Variants in RPEL1 observed in about 807,000 individuals in gnomAD.
RPEL1 encodes ribulose-phosphate 3-epimerase-like protein 1.
A neutral mutation model predicts 12.8 loss-of-function variants in RPEL1; 7 were observed. That is an observed-to-expected ratio of 0.55 (90% confidence interval 0.31 to 1.03). The LOEUF (loss-of-function observed/expected upper bound fraction) is 1.03, where lower values mean the gene tolerates loss of function less well. Ranked by LOEUF, RPEL1 falls within the 50% of genes least tolerant of loss-of-function variation. RPEL1 has a pLI of 0.05. For missense variants in RPEL1, 237 were observed against 289.4 expected (o/e 0.82, Z 1.31); for synonymous variants, 91 against 102.0 (o/e 0.89, Z 0.65).
In RPEL1 at chr10:103,247,539, T is replaced by C. The variant is rs901769851; in HGVS notation, c.*856T>C. On this transcript the variant is annotated 3_prime_UTR_variant, in exon 1 of 1. Coordinates refer to ENST00000441178, the MANE Select transcript of RPEL1 (RefSeq NM_001143909.1). ...GAGAATTAAGAGGTAACACTATATA[T>C]GTAAAGTTTCTAGTACTAGTCCCAG... 1 of 167,050 alleles carries C rather than the reference T, an allele frequency of 6.0e-6. No individual in the cohort carries two copies. Among genetic ancestry groups the C allele is most frequent in the Non-Finnish European group, 1.5e-5 (1 of 68,116 alleles). 10.3% of individuals were successfully genotyped at this position (167,050 alleles called of 1,614,324 possible). A position where few individuals can be genotyped will look rare whatever the true frequency, so the allele number is the denominator to read the frequency against.
rs759724144 is a variant in RPEL1 at position 103,246,654 on chromosome 10, G to C, written c.658G>C (p.Ala220Pro). The C allele has an allele frequency of 8.7e-6, 14 of 1,613,668 alleles. No homozygotes were observed. The highest frequency in any genetic ancestry group is 1.2e-5 in the Non-Finnish European group (14 of 1,179,830). ...INLLRNICSE[A>P]AQKRSLDR Reference sequence around the variant, plus strand: ...CCTATTAAGAAATATTTGCTCAGAAGCTGCTCAGAAACGTTCTCTTGATCG... The same window carrying C: ...CCTATTAAGAAATATTTGCTCAGAACCTGCTCAGAAACGTTCTCTTGATCG... Residue 220 changes from alanine (A) to proline (P), a missense_variant, in exon 1 of 1, where the codon GCT (alanine) becomes CCT (proline). Transcript: ENST00000441178.
chr10:103,246,119 G>A lies in RPEL1; in HGVS notation c.123G>A (p.Gly41=), dbSNP rs371847347. The stretch of plus-strand genomic sequence containing the variant: ...ATCTGCATCTGGATGTAATGGATGG[G>A]CATTTTGTTCCCAACATCACCTTTG... The part of the protein sequence containing the change: ...ADYLHLDVMD[G]HFVPNITFGH... The change falls in exon 1 of 1, where the codon GGG becomes GGA. Residue 41 remains glycine, a synonymous_variant. Transcript: ENST00000441178. 6.2e-7 allele frequency: 1 copy of A among 1,614,064 alleles called. No individual in the cohort carries two copies. Among genetic ancestry groups the A allele is most frequent in the Non-Finnish European group, 8.5e-7 (1 of 1,180,036 alleles).
In RPEL1 at chr10:103,246,598, T is replaced by G; in HGVS notation, c.602T>G (p.Met201Arg). ...ANMTVSGSAIMRSEDPRSVIN... is the reference protein window; with the variant it reads ...ANMTVSGSAIRRSEDPRSVIN... Reference sequence around the variant, plus strand: ...ATGACTGTATCTGGCAGTGCTATTATGAGGAGTGAAGACCCCAGATCTGTG... The same window carrying G: ...ATGACTGTATCTGGCAGTGCTATTAGGAGGAGTGAAGACCCCAGATCTGTG... Residue 201 changes from methionine to arginine, a missense_variant, in exon 1 of 1, where the codon ATG (methionine) becomes AGG (arginine). Physicochemically the swap from Met to Arg is moderately conservative, Grantham distance 91. Coordinates refer to ENST00000441178, the MANE Select transcript of RPEL1 (RefSeq NM_001143909.1). The G allele has an allele frequency of 1.2e-6, 2 of 1,614,192 alleles. No homozygotes were observed. Among genetic ancestry groups the G allele is most frequent in the Non-Finnish European group, 1.7e-6 (2 of 1,180,028 alleles).
At position 103,247,574 on chromosome 10, in the gene RPEL1, T is replaced by C. The variant is rs2093010322; in HGVS notation, c.*891T>C. 6.0e-6 allele frequency: 1 copy of C among 167,084 alleles called. No individual in the cohort carries two copies. Among genetic ancestry groups the C allele is most frequent in the South Asian group, 2.1e-4 (1 of 4,830 alleles). 10.4% of individuals were successfully genotyped at this position (167,084 alleles called of 1,614,324 possible). On this transcript the variant is annotated 3_prime_UTR_variant, in exon 1 of 1. Transcript: ENST00000441178. Reference sequence around the variant, plus strand: ...CTAGTACTAGTCCCAGAATTTAGAATATGCTCAATACAAAGTAGATAGCAT... The same window carrying C: ...CTAGTACTAGTCCCAGAATTTAGAACATGCTCAATACAAAGTAGATAGCAT...
chr10:103,246,391 C>A lies in RPEL1; in HGVS notation c.395C>A (p.Ala132Asp). Reference sequence around the variant, plus strand: ...TCAGTTGAGTATTTGGCACCATGGGCTAATCAAATAGATATGGCCTTGGTT... The same window carrying A: ...TCAGTTGAGTATTTGGCACCATGGGATAATCAAATAGATATGGCCTTGGTT... ...GTSVEYLAPW[A>D]NQIDMALVMT... The change falls in exon 1 of 1, where the codon GCT becomes GAT. Residue 132 changes from alanine to aspartate, a missense_variant. Transcript: ENST00000441178. The A allele has an allele frequency of 6.2e-7, 1 of 1,614,196 alleles. No homozygotes were observed.
Position 103,246,537 on chromosome 10 carries a change from G to C in RPEL1, c.541G>C (p.Asp181His). 1 of 1,614,204 alleles carries C rather than the reference G, an allele frequency of 6.2e-7. No individual in the cohort carries two copies. The highest frequency in any genetic ancestry group is 8.5e-7 in the Non-Finnish European group (1 of 1,180,038). ...AGAGGGCGATGGTGGAGTAGGTTCT[G>C]ACACTGTCCATAAGTGTGCAGAGGC... The part of the protein sequence containing the change: ...DIEGDGGVGS[D>H]TVHKCAEAGA... Residue 181 changes from aspartate (D) to histidine (H), a missense_variant, in exon 1 of 1, where the codon GAC (aspartate) becomes CAC (histidine). By Grantham distance (81) the Asp-to-His change is moderately conservative. Transcript: ENST00000441178.
rs1249769502 is a variant in RPEL1 at position 103,246,752 on chromosome 10, C to T, written c.*69C>T. 5 of 1,512,848 alleles carry T rather than the reference C, an allele frequency of 3.3e-6. No homozygotes were observed. In the African/African-American group the frequency reaches 6.9e-5, roughly 21 times the overall value. 93.7% of individuals were successfully genotyped at this position (1,512,848 alleles called of 1,614,324 possible). Reference sequence around the variant, plus strand: ...TACTGGAAAACAGGAATATTGACTACCAAATCATCATGAAATTGAAGCTGT... The same window carrying T: ...TACTGGAAAACAGGAATATTGACTATCAAATCATCATGAAATTGAAGCTGT... On this transcript the variant is annotated 3_prime_UTR_variant, in exon 1 of 1. Transcript: ENST00000441178.
Position 103,245,922 on chromosome 10 carries a change from GT to G in RPEL1, c.-71del. 32 of 1,461,418 alleles carry G rather than the reference GT, an allele frequency of 2.2e-5. No individual in the cohort carries two copies. The highest frequency in any genetic ancestry group is 2.4e-5 in the Non-Finnish European group (27 of 1,110,164). The allele number at this position is 1,461,418 out of a possible 1,614,324, so 90.5% of individuals were successfully genotyped here. Reference sequence around the variant, plus strand: ...TGTGGTTCTTTGGTAGAATTTCCTGGTTTTAAAAAAAAAAAAAGTGGGCTCT... The same window carrying G: ...TGTGGTTCTTTGGTAGAATTTCCTGGTTTAAAAAAAAAAAAAGTGGGCTCT... On this transcript the variant is annotated 5_prime_UTR_variant, in exon 1 of 1. Transcript: ENST00000441178.
rs2093008104 is a variant in RPEL1, at chr10:103,246,297, C to G, written c.301C>G (p.Pro101Ala). Reference protein sequence around the residue: ...YTFHLEATENPGTLIKDIREN... With the variant: ...YTFHLEATENAGTLIKDIREN... ...CTTTCATCTCGAGGCTACTGAGAAC[C>G]CAGGGACTTTGATTAAAGACATTCG... Residue 101 changes from proline (P) to alanine (A), a missense_variant, in exon 1 of 1, where the codon CCA becomes GCA. By Grantham distance (27) the Pro-to-Ala change is conservative (BLOSUM62 -1). Coordinates refer to ENST00000441178, the MANE Select transcript of RPEL1 (RefSeq NM_001143909.1). The G allele has an allele frequency of 6.2e-7, 1 of 1,614,066 alleles. No individual in the cohort carries two copies.
chr10:103,245,928 A>T lies in RPEL1; in HGVS notation c.-69A>T. The T allele has an allele frequency of 2.8e-6, 4 of 1,424,834 alleles. No individual in the cohort carries two copies. Among genetic ancestry groups the T allele is most frequent in the Non-Finnish European group, 9.5e-7 (1 of 1,058,154 alleles). The allele number at this position is 1,424,834 out of a possible 1,614,324, so 88.3% of individuals were successfully genotyped here. A position where few individuals can be genotyped will look rare whatever the true frequency, so the allele number is the denominator to read the frequency against. Reference sequence around the variant, plus strand: ...TCTTTGGTAGAATTTCCTGGTTTTAAAAAAAAAAAAAGTGGGCTCTAGTCT... The same window carrying T: ...TCTTTGGTAGAATTTCCTGGTTTTATAAAAAAAAAAAGTGGGCTCTAGTCT... On this transcript the variant is annotated 5_prime_UTR_variant, in exon 1 of 1. Coordinates refer to ENST00000441178, the MANE Select transcript of RPEL1 (RefSeq NM_001143909.1).
chr10:103,246,174 C>T, the RPEL1 span: 10,158 of 1,614,196 alleles, frequency 6.3e-3, 37 homozygotes, highest in Non-Finnish European at 7.5e-3. Flanking sequence ...CCTTCGAAAG[C>T]AGCTAGGCCA....
At position 103,246,518 on chromosome 10, in the gene RPEL1, C is replaced by T. The variant is rs749375199; in HGVS notation, c.522C>T (p.Gly174=). The T allele has an allele frequency of 6.8e-6, 11 of 1,613,972 alleles. No homozygotes were observed. The East Asian group carries it at 1.1e-4, about 16-fold the overall frequency. The part of the protein sequence containing the change: ...RTQFPSLDIE[G]DGGVGSDTVH... ...AGTTCCCATCTTTGGATATAGAGGG[C>T]GATGGTGGAGTAGGTTCTGACACTG... Residue 174 remains glycine (G), a synonymous_variant, in exon 1 of 1, where the codon GGC becomes GGT. Coordinates refer to ENST00000441178, the MANE Select transcript of RPEL1 (RefSeq NM_001143909.1).
In RPEL1 at chr10:103,247,977, G is replaced by C. The variant is rs546897733; in HGVS notation, c.*1294G>C. On this transcript the variant is annotated 3_prime_UTR_variant, in exon 1 of 1. Transcript: ENST00000441178. ...TGCTCAAGGTCATATAGCTAGTAAG[G>C]GTGCAGTATAGGTTCGAACCCACCT... is the stretch of plus-strand genomic sequence containing the variant. 1.2e-5 allele frequency: 2 copies of C among 166,874 alleles called. No individual in the cohort carries two copies. The highest frequency in any genetic ancestry group is 4.8e-5 in the African/African-American group (2 of 41,424). 10.3% of individuals were successfully genotyped at this position (166,874 alleles called of 1,614,324 possible). A position where few individuals can be genotyped will look rare whatever the true frequency, so the allele number is the denominator to read the frequency against.
At position 103,247,193 on chromosome 10, in the gene RPEL1, A is replaced by C. The variant is rs1187622357; in HGVS notation, c.*510A>C. The stretch of plus-strand genomic sequence containing the variant: ...CTTAAAATCTATCACTTTTCACCTT[A>C]CACTTAATGTGTAAAAACTATAAAA... On this transcript the variant is annotated 3_prime_UTR_variant, in exon 1 of 1. Coordinates refer to ENST00000441178, the MANE Select transcript of RPEL1 (RefSeq NM_001143909.1). 1 of 174,132 alleles carries C rather than the reference A, an allele frequency of 5.7e-6. No individual in the cohort carries two copies. The highest frequency in any genetic ancestry group is 1.4e-5 in the Non-Finnish European group (1 of 72,600). The allele number at this position is 174,132 out of a possible 1,614,324, so 10.8% of individuals were successfully genotyped here. A position where few individuals can be genotyped will look rare whatever the true frequency, so the allele number is the denominator to read the frequency against.
Position 103,246,950 on chromosome 10 carries a change from G to A in RPEL1, c.*267G>A, listed in dbSNP as rs967396446. 4.1e-5 allele frequency: 21 copies of A among 509,614 alleles called. No homozygotes were observed. Among genetic ancestry groups the A allele is most frequent in the South Asian group, 1.6e-4 (6 of 38,410 alleles). The allele number at this position is 509,614 out of a possible 1,614,324, so 31.6% of individuals were successfully genotyped here. A position where few individuals can be genotyped will look rare whatever the true frequency, so the allele number is the denominator to read the frequency against. On this transcript the variant is annotated 3_prime_UTR_variant, in exon 1 of 1. Transcript: ENST00000441178. ...TGATTTTTATAAAGAGTAAAAATAC[G>A]GCTGCATTAAGGTTACAAACAGAAA...
At position 103,246,151 on chromosome 10, in the gene RPEL1, C is replaced by G; in HGVS notation, c.155C>G (p.Pro52Arg). ...GTTCCCAACATCACCTTTGGTCACC[C>G]TGTGGTAGAAAGCCTTCGAAAGCAG... The part of the protein sequence containing the change: ...HFVPNITFGH[P>R]VVESLRKQLG... The change falls in exon 1 of 1, where the codon CCT becomes CGT. Residue 52 changes from proline to arginine, a missense_variant. Transcript: ENST00000441178. 1 of 1,614,168 alleles carries G rather than the reference C, an allele frequency of 6.2e-7. No homozygotes were observed. Among genetic ancestry groups the G allele is most frequent in the East Asian group, 2.2e-5 (1 of 44,884 alleles).
At position 103,246,632 on chromosome 10, in the gene RPEL1, A is replaced by G. The variant is rs772643016; in HGVS notation, c.636A>G (p.Leu212=). ...RSEDPRSVIN[L]LRNICSEAAQ... The stretch of plus-strand genomic sequence containing the variant: ...AAGACCCCAGATCTGTGATCAACCT[A>G]TTAAGAAATATTTGCTCAGAAGCTG... Residue 212 remains leucine (L), a synonymous_variant, in exon 1 of 1, where the codon CTA becomes CTG. Coordinates refer to ENST00000441178, the MANE Select transcript of RPEL1 (RefSeq NM_001143909.1). 2.0e-5 allele frequency: 33 copies of G among 1,614,028 alleles called. No homozygotes were observed. Among genetic ancestry groups the G allele is most frequent in the Non-Finnish European group, 2.6e-5 (31 of 1,180,008 alleles).
chr10:103,246,026 C>T lies in RPEL1; in HGVS notation c.30C>T (p.Ser10=). Reference sequence around the variant, plus strand: ...CGTCGGGCTGCAAGATTGGCCCGTCCATCCTCAACAGCGACCTGGCCAATT... The same window carrying T: ...CGTCGGGCTGCAAGATTGGCCCGTCTATCCTCAACAGCGACCTGGCCAATT... MASGCKIGP[S]ILNSDLANLG... The change falls in exon 1 of 1, where the codon TCC becomes TCT. Residue 10 remains serine, a synonymous_variant. Transcript: ENST00000441178. 1 of 1,614,132 alleles carries T rather than the reference C, an allele frequency of 6.2e-7. No individual in the cohort carries two copies.
rs1272744221 is a variant in RPEL1 at position 103,246,990 on chromosome 10, T to A, written c.*307T>A. ...ACAAACAGAAAAGTGTCTTAATGCCTAAGGAGGGCATATTAGCTACACTAC... is the reference window on the plus strand; with the variant it reads ...ACAAACAGAAAAGTGTCTTAATGCCAAAGGAGGGCATATTAGCTACACTAC... On this transcript the variant is annotated 3_prime_UTR_variant, in exon 1 of 1. Coordinates refer to ENST00000441178, the MANE Select transcript of RPEL1 (RefSeq NM_001143909.1). 4 of 379,516 alleles carry A rather than the reference T, an allele frequency of 1.1e-5. No individual in the cohort carries two copies. Among genetic ancestry groups the A allele is most frequent in the African/African-American group, 8.4e-5 (4 of 47,900 alleles). 23.5% of individuals were successfully genotyped at this position (379,516 alleles called of 1,614,324 possible). A position where few individuals can be genotyped will look rare whatever the true frequency, so the allele number is the denominator to read the frequency against.
Sources: gnomAD v4.1 joint callset for allele counts on GRCh38, gnomAD v4.1.1 for gene constraint, MANE v1.5 for transcripts, NCBI Gene and HGNC (gene_info 2026-07-23, HGNC 2026-07-21) for gene names.